The following KCNC2 variants were observed in gnomAD, a reference collection of about 807,000 sequenced individuals.
The protein encoded by KCNC2 is voltage-gated potassium channel KCNC2.
KCNC2 carries 21 observed loss-of-function variants against 44.5 expected under a neutral mutation model. That is an observed-to-expected ratio of 0.47 (90% confidence interval 0.33 to 0.68). The LOEUF (loss-of-function observed/expected upper bound fraction) is 0.68. Ranked by LOEUF, KCNC2 falls within the 30% of genes least tolerant of loss-of-function variation. The pLI is 0.01. For synonymous variants in KCNC2, 391 were observed against 339.1 expected (o/e 1.15, Z -1.68); for missense variants, 589 against 826.2 (o/e 0.71, Z 3.52).
intron 2 of KCNC2, among the ~76,000 whole-genome samples, chr12:75,149,864 G>T (rs1359983981): frequency 1.3e-5 from 2 of 151,862 alleles, no homozygotes. Context: ...GCTAAGGGCT[G>T]CAATGGAGGA....
chr12:75,051,325 G>A lies in KCNC2; in HGVS notation c.688-8C>T. On this transcript the variant is annotated splice_polypyrimidine_tract_variant and splice_region_variant and intron_variant, in intron 2 of 4. Transcript: ENST00000549446. Reference sequence around the variant, plus strand: ...AGAAGCAAAAGCAATAAACTGTAGAGGAAAAAGAAATAAAAAAACCCATAG... The same window carrying A: ...AGAAGCAAAAGCAATAAACTGTAGAAGAAAAAGAAATAAAAAAACCCATAG... 6.7e-7 allele frequency: 1 copy of A among 1,501,314 alleles called. No individual in the cohort carries two copies. The allele number at this position is 1,501,314 out of a possible 1,614,324, so 93.0% of individuals were successfully genotyped here. A position where few individuals can be genotyped will look rare whatever the true frequency, so the allele number is the denominator to read the frequency against.
At chr12:75,202,881 G>A (rs570599671) in intron 2 of KCNC2, among the ~76,000 whole-genome samples, 1 of 149,762 alleles carries the variant, frequency 6.7e-6, no homozygotes, top group Admixed American at 6.6e-5. Flanking sequence ...AATAGATAAT[G>A]CCTTTAGGAA....
At chr12:75,044,781 T>C (rs1344706869) in intron 4 of KCNC2, 1 of 152,026 alleles carries the variant, frequency 6.6e-6, no homozygotes, top group Non-Finnish European at 1.5e-5. Context: ...GAAATTTATG[T>C]CATCCATTAA....
At chr12:75,183,370 G>T (rs1892729912) in intron 2 of KCNC2, among the ~76,000 whole-genome samples, 1 of 152,112 alleles carries the variant, frequency 6.6e-6, no homozygotes, top group Non-Finnish European at 1.5e-5. Flanking sequence ...AAAACAAATT[G>T]TAGTCTATTA....
At chr12:75,071,041 G>A (rs1373488522) in intron 2 of KCNC2, among the ~76,000 whole-genome samples, 2 of 151,490 alleles carry the variant, frequency 1.3e-5, no homozygotes, top group African/African-American at 2.4e-5. Context: ...TTTTGGTATA[G>A]TAGAAAGTAT....
At chr12:75,126,503 G>C (rs1888433977) in intron 2 of KCNC2, among the ~76,000 whole-genome samples, 2 of 152,062 alleles carry the variant, frequency 1.3e-5, no homozygotes, top group South Asian at 4.1e-4. Context: ...TTACAGTATA[G>C]TGTGATAAAT....
intron 2 of KCNC2, among the ~76,000 whole-genome samples, chr12:75,189,077 C>A (rs554415150): frequency 6.6e-6 from 1 of 152,140 alleles, no homozygotes; most frequent in Non-Finnish European, 1.5e-5. Context: ...ATTGACAGGA[C>A]TAGTGAAATT....
chr12:75,110,683 T>C (rs996505957), intron 2 of KCNC2, among the ~76,000 whole-genome samples: 4 of 152,120 alleles, frequency 2.6e-5, no homozygotes, highest in African/African-American at 7.2e-5. Context: ...ATATGTGGTG[T>C]TCTAATTATG....
intron 2 of KCNC2, among the ~76,000 whole-genome samples, chr12:75,160,626 C>T (rs944169074): frequency 6.6e-5 from 10 of 151,754 alleles, no homozygotes; most frequent in Non-Finnish European, 1.5e-4. Context: ...AAACAGGATC[C>T]CATCTGTAAA....
At chr12:75,145,797 A>T (rs1889982125) in intron 2 of KCNC2, among the ~76,000 whole-genome samples, 1 of 152,156 alleles carries the variant, frequency 6.6e-6, no homozygotes, top group Non-Finnish European at 1.5e-5. Flanking sequence ...AAATATAGAA[A>T]AATATAGAAT....
intron 2 of KCNC2, among the ~76,000 whole-genome samples, chr12:75,126,955 A>G (rs1337925764): frequency 2.0e-5 from 3 of 152,178 alleles, no homozygotes; most frequent in Non-Finnish European, 2.9e-5. Context: ...CTTACGTATA[A>G]TAATCGAAAA....
intron 2 of KCNC2, among the ~76,000 whole-genome samples, chr12:75,186,170 A>G (rs1174450353): frequency 6.6e-6 from 1 of 152,030 alleles, no homozygotes; most frequent in African/African-American, 2.4e-5. Flanking sequence ...GAGTCTACAA[A>G]TCATATACCT....
At chr12:75,120,152 TGCATTTAAGGG>T (rs1887953307) in intron 2 of KCNC2, among the ~76,000 whole-genome samples, 1 of 152,260 alleles carries the variant, frequency 6.6e-6, no homozygotes, top group African/African-American at 2.4e-5. Context: ...TCTAGTCATT[TGCATTTAAGGG>T]GAATATAGAA....
chr12:75,207,408 G>A lies in KCNC2; in HGVS notation c.576C>T (p.Ile192=), dbSNP rs761757449. 4 of 1,597,922 alleles carry A rather than the reference G, an allele frequency of 2.5e-6. No individual in the cohort carries two copies. Among genetic ancestry groups the A allele is most frequent in the Middle Eastern group, 1.8e-4 (1 of 5,700 alleles). The change falls in exon 2 of 5, where the codon ATC becomes ATT. Residue 192 remains isoleucine, a synonymous_variant. Coordinates refer to ENST00000549446, the MANE Select transcript of KCNC2 (RefSeq NM_139137.4). The surrounding 1 kb of genome is among the most constrained non-coding windows in gnomAD (Gnocchi z 4.1). ...DEDLAAKRLG[I]EDAAGLGGPD... ...GGCCCCCGAGCCCCGCCGCGTCCTC[G>A]ATGCCCAGCCTCTTGGCCGCCAGGT...
chr12:75,183,790 G>A (rs1287550571), intron 2 of KCNC2, among the ~76,000 whole-genome samples: 3 of 152,144 alleles, frequency 2.0e-5, no homozygotes, highest in African/African-American at 7.2e-5. Context: ...ATTGAAGAAT[G>A]TTCATGTCTT....
chr12:75,155,288 A>T (rs116339256), intron 2 of KCNC2, among the ~76,000 whole-genome samples: 3,545 of 151,996 alleles, frequency 0.023, 136 homozygotes, highest in African/African-American at 0.081. Context: ...AAGTTTTCTC[A>T]AGCACTAGAC....
At chr12:75,202,770 T>C (rs2031387073) in intron 2 of KCNC2, among the ~76,000 whole-genome samples, 1 of 149,970 alleles carries the variant, frequency 6.7e-6, no homozygotes, top group Non-Finnish European at 1.5e-5. Context: ...TTTTACTGCA[T>C]GTGTCAGGCA....
At chr12:75,202,695 G>A (rs899821786) in intron 2 of KCNC2, among the ~76,000 whole-genome samples, 1 of 151,296 alleles carries the variant, frequency 6.6e-6, no homozygotes, top group African/African-American at 2.4e-5. Flanking sequence ...GAATTTAAGA[G>A]CCTAATATTT....
At chr12:75,121,244 A>C (rs140088926) in intron 2 of KCNC2, among the ~76,000 whole-genome samples, 1 of 152,198 alleles carries the variant, frequency 6.6e-6, no homozygotes, top group Non-Finnish European at 1.5e-5. Flanking sequence ...TTTGTTTTCA[A>C]ATTTTCCCTT....
Sources: allele counts gnomAD v4.1 joint callset (sites outside exome capture counted in the v4.1 genomes callset), GRCh38; gene constraint gnomAD v4.1.1; non-coding constraint Gnocchi (gnomAD v3.1); transcripts MANE v1.5; gene names NCBI Gene and HGNC (gene_info 2026-07-23, HGNC 2026-07-21).